LRCH2: variants seen among roughly 807,000 people sequenced by gnomAD.
The protein encoded by LRCH2 is leucine-rich repeat and calponin homology domain-containing protein 2.
In LRCH2, 38 loss-of-function variants were observed where a neutral mutation model predicts 68.9. That is an observed-to-expected ratio of 0.55 (90% confidence interval 0.43 to 0.72). The LOEUF (loss-of-function observed/expected upper bound fraction) is 0.72. Among genes scored for constraint, LRCH2 ranks in the 30% least tolerant of loss-of-function variants. LRCH2 has a pLI of 0.00. For synonymous variants in LRCH2, 191 were observed against 208.1 expected (o/e 0.92, Z 0.71); for missense variants, 528 against 572.9 (o/e 0.92, Z 0.80).
intron 5 of LRCH2, among the ~76,000 whole-genome samples, chrX:115,175,380 A>G (rs1289259085): frequency 9.0e-6 from 1 of 111,459 alleles, no homozygotes; most frequent in Admixed American, 9.5e-5. Flanking sequence ...CTTTCTGTGT[A>G]ACCACTGGCC....
chrX:115,137,454 T>C (rs1278968465), intron 14 of LRCH2, among the ~76,000 whole-genome samples: 1 of 107,981 alleles, frequency 9.3e-6, no homozygotes, highest in Non-Finnish European at 1.9e-5. Flanking sequence ...AGTAATAAAA[T>C]GAGGATCAGA....
At chrX:115,134,199 A>C (rs961331818) in intron 14 of LRCH2, among the ~76,000 whole-genome samples, 3 of 112,390 alleles carry the variant, frequency 2.7e-5, no homozygotes, top group African/African-American at 9.7e-5. Flanking sequence ...AGGAAGCTGC[A>C]GAAGAAAAGC....
intron 16 of LRCH2, among the ~76,000 whole-genome samples, chrX:115,124,960 T>C (rs1169741252): frequency 3.6e-5 from 4 of 111,326 alleles, no homozygotes; most frequent in Non-Finnish European, 7.5e-5. Flanking sequence ...AAATCTTCTG[T>C]TAACACGTGA....
intron 5 of LRCH2, among the ~76,000 whole-genome samples, chrX:115,174,982 C>T (rs1172366479): frequency 1.8e-5 from 2 of 111,287 alleles, no homozygotes; most frequent in African/African-American, 6.6e-5. Context: ...CTCCAGGAAC[C>T]AGAGAAGGGC....
intron 3 of LRCH2, among the ~76,000 whole-genome samples, chrX:115,183,825 C>G (rs375822324): frequency 6.4e-4 from 72 of 112,487 alleles, no homozygotes; most frequent in Middle Eastern, 4.6e-3. Context: ...AGCTTCGAGG[C>G]TCTGAATATG....
At chrX:115,222,941 A>G (rs1414264016) in intron 1 of LRCH2, among the ~76,000 whole-genome samples, 1 of 112,299 alleles carries the variant, frequency 8.9e-6, no homozygotes, top group Non-Finnish European at 1.9e-5. Context: ...AACTTACTGC[A>G]CAGCTACAAT....
intron 1 of LRCH2, chrX:115,191,170 G>C: frequency 7.7e-6 from 9 of 1,165,688 alleles, no homozygotes; most frequent in Non-Finnish European, 1.0e-5. Flanking sequence ...TGGGGGCCAC[G>C]ACAGTTCCAG....
At chrX:115,145,592 G>A (rs1351402658) in intron 14 of LRCH2, among the ~76,000 whole-genome samples, 1 of 111,768 alleles carries the variant, frequency 8.9e-6, no homozygotes, top group Admixed American at 9.5e-5. Context: ...GACTCTTTAG[G>A]AAAGTATCTA....
chrX:115,185,720 A>C (rs1169842313), intron 2 of LRCH2, among the ~76,000 whole-genome samples: 1 of 111,490 alleles, frequency 9.0e-6, no homozygotes, highest in African/African-American at 3.3e-5. Context: ...AACAAACAAA[A>C]AAATGGCAAT....
At chrX:115,194,155 G>A (rs1400095639) in intron 1 of LRCH2, among the ~76,000 whole-genome samples, 2 of 111,076 alleles carry the variant, frequency 1.8e-5, no homozygotes, top group Non-Finnish European at 1.9e-5. Context: ...ATATAGAGAA[G>A]GAGAGAGATA....
intron 20 of LRCH2, among the ~76,000 whole-genome samples, chrX:115,121,771 T>C (rs1224397812): frequency 8.9e-6 from 1 of 112,301 alleles, no homozygotes; most frequent in Non-Finnish European, 1.9e-5. Flanking sequence ...ACACATTAAA[T>C]TATGTTTACT....
At position 115,163,680 on chromosome X, in the gene LRCH2, T is replaced by C. The variant is rs1220042236; in HGVS notation, c.1459A>G (p.Asn487Asp). Residue 487 changes from asparagine to aspartate, a missense_variant, in exon 11 of 21, where the codon AAC becomes GAC. Transcript: ENST00000317135. ...AAQLLQQEQK[N>D]RILNHSTSVM... ...TCTCATTACTGAAAGGAATACCTGT[T>C]CTTCTGTTCTTGCTGCAATAACTGA... 6 of 1,177,915 alleles carry C rather than the reference T, an allele frequency of 5.1e-6. No homozygotes were observed. In the African/African-American group the frequency reaches 1.1e-4, roughly 21 times the overall value.
chrX:115,143,544 C>T (rs1556535040), intron 14 of LRCH2, among the ~76,000 whole-genome samples: 1 of 111,197 alleles, frequency 9.0e-6, no homozygotes, highest in Non-Finnish European at 1.9e-5. Flanking sequence ...CTGAATTCTA[C>T]CAAAAACTTA....
At chrX:115,200,655 A>C (rs1291346734) in intron 1 of LRCH2, among the ~76,000 whole-genome samples, 1 of 110,757 alleles carries the variant, frequency 9.0e-6, no homozygotes, top group African/African-American at 3.3e-5. Flanking sequence ...AAAAATCCCA[A>C]TAAAGACAAG....
intron 14 of LRCH2, among the ~76,000 whole-genome samples, chrX:115,130,926 C>A (rs2072238331): frequency 9.0e-6 from 1 of 111,267 alleles, no homozygotes; most frequent in Non-Finnish European, 1.9e-5. Context: ...GACTCCTCTT[C>A]ACTGCAAATG....
At chrX:115,196,080 A>G (rs1213906038) in intron 1 of LRCH2, among the ~76,000 whole-genome samples, 2 of 111,322 alleles carry the variant, frequency 1.8e-5, no homozygotes, top group African/African-American at 6.5e-5. Flanking sequence ...GAATCCCACA[A>G]TCAAAACTAA....
chrX:115,121,388 G>C (rs374650148), intron 20 of LRCH2, among the ~76,000 whole-genome samples: 4 of 111,352 alleles, frequency 3.6e-5, no homozygotes, highest in Non-Finnish European at 5.7e-5. Context: ...ACAGTGGCTT[G>C]TGCCTGTAAT....
intron 1 of LRCH2, 73 bp from the exon 2 acceptor site, chrX:115,188,443 C>A: frequency 1.3e-6 from 1 of 747,013 alleles, no homozygotes; most frequent in Non-Finnish European, 1.8e-6. Flanking sequence ...TTCACACTTG[C>A]TGAATCACTT....
intron 5 of LRCH2, among the ~76,000 whole-genome samples, chrX:115,172,160 C>G (rs190203350): frequency 1.8e-5 from 2 of 110,928 alleles, no homozygotes; most frequent in Non-Finnish European, 3.8e-5. Context: ...CTTACATTAC[C>G]CACACCACCA....
Sources: gnomAD v4.1 joint callset for allele counts (sites outside exome capture counted in the v4.1 genomes callset) on GRCh38, gnomAD v4.1.1 for gene constraint, MANE v1.5 for transcripts, NCBI Gene and HGNC (gene_info 2026-07-23, HGNC 2026-07-21) for gene names.